The following PID1 variants were observed in gnomAD, a reference collection of about 807,000 sequenced individuals.
PID1 encodes PTB-containing, cubilin and LRP1-interacting protein.
A neutral mutation model predicts 19.1 loss-of-function variants in PID1; 10 were observed. The ratio of observed to expected loss-of-function variants is 0.52; its 90% CI spans 0.32 to 0.89. The LOEUF (loss-of-function observed/expected upper bound fraction) is 0.89. PID1 is among the 40% of genes least tolerant of loss of function. The probability of loss-of-function intolerance (pLI) is 0.03; values close to 1 mark genes in which losing one functional copy is unlikely to be tolerated. For missense variants in PID1, 248 were observed against 285.3 expected (o/e 0.87, Z 0.94); for synonymous variants, 130 against 116.0 (o/e 1.12, Z -0.78).
At chr2:229,050,268 A>T (rs966968207) in intron 2 of PID1, among the ~76,000 whole-genome samples, 2 of 152,120 alleles carry the variant, frequency 1.3e-5, no homozygotes, top group Admixed American at 1.3e-4. Flanking sequence ...TCTCTCTCAC[A>T]TATCACAATG....
chr2:229,053,812 A>C (rs1694042294), intron 2 of PID1, among the ~76,000 whole-genome samples: 1 of 152,204 alleles, frequency 6.6e-6, no homozygotes, highest in African/African-American at 2.4e-5. Flanking sequence ...TCTTTCTAAA[A>C]TGAAACCCAG....
chr2:229,126,360 T>C (rs1225726984), intron 2 of PID1, among the ~76,000 whole-genome samples: 2 of 152,050 alleles, frequency 1.3e-5, no homozygotes, highest in African/African-American at 4.8e-5. Flanking sequence ...CAAGTTTAAA[T>C]TACCATTTGG....
At chr2:229,101,012 A>T (rs1371626612) in intron 2 of PID1, among the ~76,000 whole-genome samples, 2 of 152,192 alleles carry the variant, frequency 1.3e-5, no homozygotes, top group Admixed American at 6.5e-5. Flanking sequence ...CTGTTACCCA[A>T]GAGACAGTGT....
intron 1 of PID1, among the ~76,000 whole-genome samples, chr2:229,215,443 T>C (rs1691824475): frequency 6.6e-6 from 1 of 152,272 alleles, no homozygotes; most frequent in Non-Finnish European, 1.5e-5. Flanking sequence ...TATTCATTTA[T>C]CTTTTGGTGC....
At chr2:229,101,012 A>G (rs1371626612) in intron 2 of PID1, among the ~76,000 whole-genome samples, 1 of 152,310 alleles carries the variant, frequency 6.6e-6, no homozygotes. Flanking sequence ...CTGTTACCCA[A>G]GAGACAGTGT....
Position 229,073,182 on chromosome 2 carries a change from C to G in PID1, c.178-47074G>C, listed in dbSNP as rs561352828. ...CTGGGACTACCGGCGCCCGCCACCA[C>G]GCCTGGCTAATTTTTTGTATTTTTA... On this transcript the variant is annotated intron_variant, in intron 2 of 2. Transcript: ENST00000392055. Among the ~76,000 whole-genome samples the G allele has an allele frequency of 1.2e-4, 19 of 152,286 alleles. No homozygotes were observed. The South Asian group carries it at 3.9e-3, about 32-fold the overall frequency.
intron 1 of PID1, among the ~76,000 whole-genome samples, chr2:229,164,220 G>A (rs1307649827): frequency 3.9e-5 from 6 of 151,988 alleles, no homozygotes; most frequent in East Asian, 3.9e-4. Flanking sequence ...TTACTTGCTT[G>A]TCCCTTTTAG....
intron 1 of PID1, chr2:229,227,809 T>G (rs1692112887): frequency 3.1e-6 from 1 of 318,114 alleles, no homozygotes; most frequent in African/African-American, 2.1e-5. Flanking sequence ...ACAGACTTTT[T>G]TCTTGTCATT....
chr2:229,210,963 G>T (rs896048469), intron 1 of PID1, among the ~76,000 whole-genome samples: 5 of 152,132 alleles, frequency 3.3e-5, no homozygotes, highest in Non-Finnish European at 7.3e-5. Context: ...AGCTTTCTGT[G>T]GCTGCAGACA....
intron 2 of PID1, among the ~76,000 whole-genome samples, chr2:229,109,883 C>T (rs1695262008): frequency 6.6e-6 from 1 of 152,138 alleles, no homozygotes; most frequent in Admixed American, 6.5e-5. Flanking sequence ...TATAACAAAC[C>T]ACAGTTTTTT....
intron 1 of PID1, among the ~76,000 whole-genome samples, chr2:229,179,126 A>T (rs1157707096): frequency 1.3e-5 from 2 of 151,956 alleles, no homozygotes; most frequent in Non-Finnish European, 2.9e-5. Context: ...AACAAATCTT[A>T]CCCCTCATGA....
At chr2:229,149,623 T>C (rs1690206273) in intron 2 of PID1, among the ~76,000 whole-genome samples, 1 of 152,150 alleles carries the variant, frequency 6.6e-6, no homozygotes, top group Non-Finnish European at 1.5e-5. Flanking sequence ...AAAAAGGCAA[T>C]ATAAAAATTG....
intron 1 of PID1, among the ~76,000 whole-genome samples, chr2:229,206,929 C>T (rs114170957): frequency 0.014 from 2,062 of 152,174 alleles, 24 homozygotes; most frequent in Non-Finnish European, 0.022. Context: ...TCTGGGGTGA[C>T]GCTTAATAGC....
At chr2:229,140,701 T>C (rs1161149634) in intron 2 of PID1, among the ~76,000 whole-genome samples, 1 of 152,140 alleles carries the variant, frequency 6.6e-6, no homozygotes, top group African/African-American at 2.4e-5. Flanking sequence ...GAGAAATCCA[T>C]CATAATAACA....
At chr2:229,222,864 A>AAC (rs72386398) in intron 1 of PID1, among the ~76,000 whole-genome samples, 1,592 of 103,946 alleles carry the variant, frequency 0.015, 18 homozygotes, top group South Asian at 0.04. Flanking sequence ...TTCACACACA[A>AAC]ACACACACAC....
chr2:229,121,293 C>A (rs756722596), intron 2 of PID1, among the ~76,000 whole-genome samples: 3 of 152,148 alleles, frequency 2.0e-5, no homozygotes, highest in Non-Finnish European at 4.4e-5. Context: ...AAAGAAGCAA[C>A]ACTCCCTAGT....
chr2:229,137,671 C>G (rs1000916067), intron 2 of PID1, among the ~76,000 whole-genome samples: 1 of 152,176 alleles, frequency 6.6e-6, no homozygotes, highest in African/African-American at 2.4e-5. Flanking sequence ...TAAAGATAAG[C>G]AGACTCTTCT....
rs749632097 is a variant in PID1, at chr2:229,220,906, G to GA, written c.30+50107dup. Among the ~76,000 whole-genome samples, 983 of 148,704 alleles carry GA rather than the reference G, an allele frequency of 6.6e-3. 11 individuals are homozygous for GA. The highest frequency in any genetic ancestry group is 0.023 in the African/African-American group (914 of 40,470). On this transcript the variant is annotated intron_variant, in intron 1 of 2. Coordinates refer to ENST00000392055, the MANE Select transcript of PID1 (RefSeq NM_001100818.2). ...TGCTATTCTGTCTTGATATTTTAGT[G>GA]AAAAAAAAAATTTAAAAAAAATTCA...
intron 1 of PID1, chr2:229,263,007 T>A: frequency 9.6e-7 from 1 of 1,044,424 alleles, no homozygotes. Flanking sequence ...CATTCACAGG[T>A]ACCAGGGGTT....
Sources: gnomAD v4.1 joint callset for allele counts (sites outside exome capture counted in the v4.1 genomes callset) on GRCh38, gnomAD v4.1.1 for gene constraint, MANE v1.5 for transcripts, NCBI Gene and HGNC (gene_info 2026-07-23, HGNC 2026-07-21) for gene names.